Variants in MAML3 observed in about 807,000 individuals in gnomAD.
The protein encoded by MAML3 is mastermind-like protein 3.
MAML3 carries 27 observed loss-of-function variants against 101.9 expected under a neutral mutation model. That is an observed-to-expected ratio of 0.27 (90% CI 0.20 to 0.37). The LOEUF is 0.37. Ranked by LOEUF, MAML3 falls within the 10% of genes least tolerant of loss-of-function variation. The pLI is 1.00. For missense variants in MAML3, 1,316 were observed against 1,444.9 expected (o/e 0.91, Z 1.45); for synonymous variants, 501 against 555.9 (o/e 0.90, Z 1.39).
At chr4:139,915,797 T>C (rs1180887478) in intron 1 of MAML3, among the ~76,000 whole-genome samples, 2 of 151,994 alleles carry the variant, frequency 1.3e-5, no homozygotes, top group Non-Finnish European at 2.9e-5. Flanking sequence ...AAGCAAAATT[T>C]TGGGGTGATG....
chr4:139,925,702 G>A lies in MAML3; in HGVS notation c.469-34735C>T, dbSNP rs1031448160. Among the ~76,000 whole-genome samples the A allele has an allele frequency of 4.6e-5, 7 of 152,242 alleles. No individual in the cohort carries two copies. In the Middle Eastern group the frequency reaches 0.014, roughly 296 times the overall value. On this transcript the variant is annotated intron_variant, in intron 1 of 4. Coordinates refer to ENST00000509479, the MANE Select transcript of MAML3 (RefSeq NM_018717.5). ...CAGGTAGTCACAATTGCCTTTCTTTGGAAAGGGTGCCTGTCTGGTTAAGAT... is the reference window on the plus strand; with the variant it reads ...CAGGTAGTCACAATTGCCTTTCTTTAGAAAGGGTGCCTGTCTGGTTAAGAT...
chr4:139,829,237 AGAAG>A (rs1002351940), intron 2 of MAML3, among the ~76,000 whole-genome samples: 57 of 151,212 alleles, frequency 3.8e-4, no homozygotes, highest in Middle Eastern at 3.4e-3. Flanking sequence ...AAGGAAGGAA[AGAAG>A]GAAGGAAGGA....
intron 1 of MAML3, among the ~76,000 whole-genome samples, chr4:140,077,911 G>A (rs1031367243): frequency 5.3e-5 from 8 of 152,002 alleles, no homozygotes; most frequent in African/African-American, 1.2e-4. Flanking sequence ...CCAGCTACTC[G>A]GGAGGCCCAG....
chr4:140,038,838 A>T (rs1198618584), intron 1 of MAML3, among the ~76,000 whole-genome samples: 1 of 152,218 alleles, frequency 6.6e-6, no homozygotes, highest in Non-Finnish European at 1.5e-5. Flanking sequence ...CAGGAATAAT[A>T]CTAAGATAAG....
At chr4:140,100,347 C>A (rs1464916060) in intron 1 of MAML3, among the ~76,000 whole-genome samples, 2 of 152,196 alleles carry the variant, frequency 1.3e-5, no homozygotes, top group African/African-American at 4.8e-5. Context: ...GTCCACCCCC[C>A]TAGACTCAGT....
At chr4:139,837,895 G>A (rs745819663) in intron 2 of MAML3, among the ~76,000 whole-genome samples, 1 of 152,168 alleles carries the variant, frequency 6.6e-6, no homozygotes, top group Non-Finnish European at 1.5e-5. Flanking sequence ...ACTCCAGCCT[G>A]TGCTACAGAG....
intron 2 of MAML3, among the ~76,000 whole-genome samples, chr4:139,883,757 C>T (rs1253520414): frequency 6.6e-6 from 1 of 151,928 alleles, no homozygotes; most frequent in Non-Finnish European, 1.5e-5. Context: ...ATCAAAATCC[C>T]CCTAGCAGTA....
At chr4:139,983,249 C>T (rs542187416) in intron 1 of MAML3, among the ~76,000 whole-genome samples, 55 of 152,300 alleles carry the variant, frequency 3.6e-4, no homozygotes, top group African/African-American at 1.3e-3. Flanking sequence ...CCCTGTGCTT[C>T]GCCTATTCAA....
chr4:140,074,237 G>GAAAGAAAGAAAGAAAGAAAGAA (rs1560885580), intron 1 of MAML3, among the ~76,000 whole-genome samples: 81 of 130,222 alleles, frequency 6.2e-4, no homozygotes, highest in African/African-American at 2.1e-3. Flanking sequence ...AAGAAAGAAA[G>GAAAGAAAGAAAGAAAGAAAGAA]AAAGAAAGAA....
intron 2 of MAML3, among the ~76,000 whole-genome samples, chr4:139,832,575 G>C (rs978403504): frequency 2.0e-5 from 3 of 152,104 alleles, no homozygotes; most frequent in Non-Finnish European, 4.4e-5. Context: ...TCCCAACTTC[G>C]TTCTTCCCCT....
chr4:140,018,371 CTA>C (rs1205983316), intron 1 of MAML3, among the ~76,000 whole-genome samples: 1 of 152,048 alleles, frequency 6.6e-6, no homozygotes, highest in Non-Finnish European at 1.5e-5. Context: ...AAAGCATAAA[CTA>C]TAATATTTTT....
intron 2 of MAML3, among the ~76,000 whole-genome samples, chr4:139,872,714 G>T (rs1016790420): frequency 1.3e-5 from 2 of 152,128 alleles, no homozygotes; most frequent in African/African-American, 4.8e-5. Context: ...AAAATGAAAA[G>T]GTGATGGAAA....
chr4:140,104,561 C>T (rs1411435607), intron 1 of MAML3, among the ~76,000 whole-genome samples: 1 of 147,640 alleles, frequency 6.8e-6, no homozygotes, highest in Admixed American at 6.8e-5. Context: ...CAACCTCCAC[C>T]TCCTGGGCTC....
intron 2 of MAML3, among the ~76,000 whole-genome samples, chr4:139,751,726 T>G (rs1452866317): frequency 6.6e-6 from 1 of 152,160 alleles, no homozygotes; most frequent in Non-Finnish European, 1.5e-5. Context: ...GGGTAGACCT[T>G]GTGCCTGGAG....
chr4:139,856,315 G>A (rs541304033), intron 2 of MAML3, among the ~76,000 whole-genome samples: 15 of 152,274 alleles, frequency 9.9e-5, no homozygotes, highest in Middle Eastern at 3.4e-3. Context: ...TGTCATTTAC[G>A]AAGTCGAATT....
chr4:139,802,597 A>G (rs535283969), intron 2 of MAML3, among the ~76,000 whole-genome samples: 38 of 152,368 alleles, frequency 2.5e-4, no homozygotes, highest in African/African-American at 8.7e-4. Context: ...AGAAATCAAA[A>G]TGAGTACAGT....
intron 1 of MAML3, among the ~76,000 whole-genome samples, chr4:140,146,233 G>A (rs1013214733): frequency 2.0e-5 from 3 of 152,124 alleles, no homozygotes; most frequent in Non-Finnish European, 2.9e-5. Flanking sequence ...TGCCATAGTA[G>A]TAACTTCCTG....
At chr4:140,077,635 T>C (rs1214639450) in intron 1 of MAML3, among the ~76,000 whole-genome samples, 2 of 152,120 alleles carry the variant, frequency 1.3e-5, no homozygotes, top group Non-Finnish European at 2.9e-5. Context: ...AGGCAGAATA[T>C]ATATCAAATC....
chr4:139,846,843 G>T lies in MAML3; in HGVS notation c.2079+42514C>A, dbSNP rs535926194. ...ATTTAGAAAATCAAGGTGATTCATT[G>T]TAATCTTTTGGAGGAAAATTGTGTG... On this transcript the variant is annotated intron_variant, in intron 2 of 4. Coordinates refer to ENST00000509479, the MANE Select transcript of MAML3 (RefSeq NM_018717.5). Among the ~76,000 whole-genome samples the T allele has an allele frequency of 4.6e-5, 7 of 152,256 alleles. No homozygotes were observed. In the South Asian group the frequency reaches 1.2e-3, roughly 27 times the overall value.
Sources: gnomAD v4.1 joint callset for allele counts (sites outside exome capture counted in the v4.1 genomes callset) on GRCh38, gnomAD v4.1.1 for gene constraint, MANE v1.5 for transcripts, NCBI Gene and HGNC (gene_info 2026-07-23, HGNC 2026-07-21) for gene names.